Variants in ENGASE observed in about 807,000 individuals in gnomAD.
The protein encoded by ENGASE is cytosolic endo-beta-N-acetylglucosaminidase.
In ENGASE, 69 loss-of-function variants were observed where a neutral mutation model predicts 78.5. The ratio of observed to expected loss-of-function variants is 0.88; its 90% CI spans 0.72 to 1.07. ENGASE has a LOEUF of 1.07. Among genes scored for constraint, ENGASE ranks in the 50% least tolerant of loss-of-function variants. The probability of loss-of-function intolerance (pLI) is 0.00; values close to 1 mark genes in which losing one functional copy is unlikely to be tolerated. For missense variants in ENGASE, 943 were observed against 988.4 expected (o/e 0.95, Z 0.62); for synonymous variants, 408 against 408.9 (o/e 1.00, Z 0.03).
In ENGASE at chr17:79,080,152, G is replaced by C. The variant is rs187160043; in HGVS notation, c.566-55G>C. ...TCGAGAACCTCGCTTTGAAAACTGT[G>C]GGTGGAGGGAAAGTGATTCCCGTGG... On this transcript the variant is annotated intron_variant, in intron 4 of 13. Transcript: ENST00000579016. The C allele has an allele frequency of 2.7e-4, 423 of 1,541,376 alleles. 3 individuals carry two copies. The African/African-American group carries it at 5.0e-3, about 18-fold the overall frequency.
In ENGASE at chr17:79,077,673, T is replaced by C. The variant is rs754077207; in HGVS notation, c.225T>C (p.Tyr75=). Residue 75 remains tyrosine (Y), a synonymous_variant, in exon 3 of 14, where the codon TAT becomes TAC. Coordinates refer to ENST00000579016, the MANE Select transcript of ENGASE (RefSeq NM_001042573.3). Reference sequence around the variant, plus strand: ...CTGTCCTCGGACCAGTTAGATATTATGACAAGGACACCACCAAACCAATCA... The same window carrying C: ...CTGTCCTCGGACCAGTTAGATATTACGACAAGGACACCACCAAACCAATCA... ...FSPDPLPVRY[Y]DKDTTKPISF... The C allele has an allele frequency of 4.3e-6, 7 of 1,614,224 alleles. No individual in the cohort carries two copies. The African/African-American group carries it at 5.3e-5, about 12-fold the overall frequency.
At chr17:79,082,827 C>T in intron 7 of ENGASE, 193 bp from the exon 8 acceptor site, 2 of 1,525,530 alleles carry the variant, frequency 1.3e-6, no homozygotes, top group Non-Finnish European at 1.8e-6. Flanking sequence ...CTCCCGCGCC[C>T]TCTTCTGGCG....
rs1291318869 is a variant in ENGASE at position 79,083,765 on chromosome 17, A to T, written c.1256A>T (p.Glu419Val). The change falls in exon 10 of 14, where the codon GAG becomes GTG. Residue 419 changes from glutamate (E) to valine (V), a missense_variant. Physicochemically the swap from Glu to Val is moderately radical, Grantham distance 121. Coordinates refer to ENST00000579016, the MANE Select transcript of ENGASE (RefSeq NM_001042573.3). The surrounding 1 kb of genome is among the most constrained non-coding windows in gnomAD (Gnocchi z 4.9). ...CTGTTCTGCCCTTTTCTTCAGGAAG[A>T]GGCGGTAGGGCCCTGGTACCACCTG... ...GARRVCYGQE[E>V]AVGPWYHLSA... 2 of 1,607,516 alleles carry T rather than the reference A, an allele frequency of 1.2e-6. No individual in the cohort carries two copies. The highest frequency in any genetic ancestry group is 3.4e-5 in the Admixed American group (2 of 58,778).
Position 79,087,399 on chromosome 17 carries a change from C to A in ENGASE, c.*1050C>A. On this transcript the variant is annotated 3_prime_UTR_variant, in exon 14 of 14. Coordinates refer to ENST00000579016, the MANE Select transcript of ENGASE (RefSeq NM_001042573.3). ...GGGCGTGAGGGAGGCAGGGTCTTCA[C>A]CACAGGCGCCTTCCTCTGTCCTTCC... 4.3e-6 allele frequency: 1 copy of A among 231,826 alleles called. No homozygotes were observed. Among genetic ancestry groups the A allele is most frequent in the Non-Finnish European group, 8.9e-6 (1 of 112,490 alleles). 14.4% of individuals were successfully genotyped at this position (231,826 alleles called of 1,614,324 possible).
chr17:79,083,192 G>A lies in ENGASE; in HGVS notation c.1142+69G>A. 8.5e-7 allele frequency: 1 copy of A among 1,182,904 alleles called. No homozygotes were observed. Among genetic ancestry groups the A allele is most frequent in the Non-Finnish European group, 1.2e-6 (1 of 806,952 alleles). 73.3% of individuals were successfully genotyped at this position (1,182,904 alleles called of 1,614,324 possible). A position where few individuals can be genotyped will look rare whatever the true frequency, so the allele number is the denominator to read the frequency against. On this transcript the variant is annotated intron_variant, in intron 8 of 13. Coordinates refer to ENST00000579016, the MANE Select transcript of ENGASE (RefSeq NM_001042573.3). The surrounding 1 kb of genome is among the most constrained non-coding windows in gnomAD (Gnocchi z 4.9). ...GGAGGGGTTTCTGGTGTCTCTGATA[G>A]GACACGTTTGTGCTCTTTAGTGACC...
Position 79,079,473 on chromosome 17 carries a change from C to A in ENGASE, c.417-16C>A. On this transcript the variant is annotated splice_polypyrimidine_tract_variant and intron_variant, in intron 3 of 13. Coordinates refer to ENST00000579016, the MANE Select transcript of ENGASE (RefSeq NM_001042573.3). ...ATGAGCTGCCGTGGCCAGCCCTGTT[C>A]TGTTTCTTTCCCCAGGTTCATTCAG... 1.2e-6 allele frequency: 2 copies of A among 1,610,724 alleles called. No homozygotes were observed. Among genetic ancestry groups the A allele is most frequent in the Non-Finnish European group, 1.7e-6 (2 of 1,179,104 alleles).
rs568691377 is a variant in ENGASE at position 79,082,344 on chromosome 17, G to A, written c.1038+281G>A. 2.6e-3 allele frequency: 3,475 copies of A among 1,321,542 alleles called. 4 individuals are homozygous for A. Among genetic ancestry groups the A allele is most frequent in the Non-Finnish European group, 3.0e-3 (3,086 of 1,024,624 alleles). 81.9% of individuals were successfully genotyped at this position (1,321,542 alleles called of 1,614,324 possible). A position where few individuals can be genotyped will look rare whatever the true frequency, so the allele number is the denominator to read the frequency against. On this transcript the variant is annotated intron_variant, in intron 7 of 13. Transcript: ENST00000579016. ...GTTCCCCCGCTGTCCGGTCCTCGGC[G>A]GGCCTGGGCCTCCTGTCCCAGCTGC...
intron 3 of ENGASE, among the ~76,000 whole-genome samples, chr17:79,079,040 C>T (rs963130276): frequency 1.3e-5 from 2 of 152,222 alleles, no homozygotes; most frequent in Admixed American, 1.3e-4. Context: ...CTCTCCCTGC[C>T]TGCACCTTGC....
chr17:79,075,254 G>A (rs536302780), intron 1 of ENGASE, among the ~76,000 whole-genome samples, 164 bp downstream of exon 1: 6 of 152,046 alleles, frequency 3.9e-5, no homozygotes, highest in African/African-American at 1.4e-4. Flanking sequence ...CCTCCGCCCC[G>A]GTCCGCCCCG....
chr17:79,082,030 G>C lies in ENGASE; in HGVS notation c.1005G>C (p.Gly335=). 3.7e-6 allele frequency: 6 copies of C among 1,614,250 alleles called. No homozygotes were observed. The highest frequency in any genetic ancestry group is 5.1e-6 in the Non-Finnish European group (6 of 1,180,034). ...VYVGVDVFAR[G]NVVGGRFDTD... is the part of the protein sequence containing the mutation. Reference sequence around the variant, plus strand: ...TGGGCGTGGATGTGTTTGCTCGAGGGAACGTGGTCGGAGGCCGATTCGACA... The same window carrying C: ...TGGGCGTGGATGTGTTTGCTCGAGGCAACGTGGTCGGAGGCCGATTCGACA... Residue 335 remains glycine, a synonymous_variant, in exon 7 of 14, where the codon GGG becomes GGC. Transcript: ENST00000579016.
intron 4 of ENGASE, 110 bp downstream of exon 4, chr17:79,079,747 C>T: frequency 7.0e-7 from 1 of 1,420,692 alleles, no homozygotes; most frequent in Non-Finnish European, 9.4e-7. Context: ...GCCCAGAGCC[C>T]CTCGCTGGGG....
intron 11 of ENGASE, 144 bp downstream of exon 11, chr17:79,084,830 T>C: frequency 1.1e-6 from 1 of 897,376 alleles, no homozygotes. Context: ...CAGGGCAGCT[T>C]GTGGTCAAGG....
intron 4 of ENGASE, 25 bp downstream of exon 4, chr17:79,079,662 T>C (rs764787852): frequency 6.2e-7 from 1 of 1,605,612 alleles, no homozygotes. Flanking sequence ...CTCACCTCTG[T>C]GTCAGCCAGA....
intron 4 of ENGASE, 69 bp from the exon 5 acceptor site, chr17:79,080,138 G>A (rs1030791826): frequency 1.4e-5 from 21 of 1,520,230 alleles, no homozygotes; most frequent in African/African-American, 2.8e-5. Flanking sequence ...CGAGAACCTC[G>A]CTTTGAAAAC....
At chr17:79,076,542 C>T (rs1207615214) in intron 1 of ENGASE, among the ~76,000 whole-genome samples, 8 of 152,154 alleles carry the variant, frequency 5.3e-5, no homozygotes, top group African/African-American at 1.9e-4. Flanking sequence ...CCAGCCTGGG[C>T]GACAGAGCGA....
intron 1 of ENGASE, among the ~76,000 whole-genome samples, chr17:79,076,683 C>G (rs112046385): frequency 6.6e-6 from 1 of 152,208 alleles, no homozygotes; most frequent in African/African-American, 2.4e-5. Context: ...ATGAACAGCG[C>G]GGAAGGCACT....
chr17:79,085,430 G>C, intron 12 of ENGASE, 88 bp downstream of exon 12: 1 of 1,356,374 alleles, frequency 7.4e-7, no homozygotes, highest in South Asian at 1.4e-5. Context: ...GGGGCCCTGG[G>C]CTGGCCCCCA....
rs1362057234 is a variant in ENGASE at position 79,083,397 on chromosome 17, C to T, written c.1143-85C>T. 1.0e-5 allele frequency: 11 copies of T among 1,057,586 alleles called. No homozygotes were observed. The highest frequency in any genetic ancestry group is 2.5e-5 in the East Asian group (1 of 39,296). The allele number at this position is 1,057,586 out of a possible 1,614,324, so 65.5% of individuals were successfully genotyped here. A position where few individuals can be genotyped will look rare whatever the true frequency, so the allele number is the denominator to read the frequency against. On this transcript the variant is annotated intron_variant, in intron 8 of 13. Transcript: ENST00000579016. The surrounding 1 kb of genome is among the most constrained non-coding windows in gnomAD (Gnocchi z 4.9). Reference sequence around the variant, plus strand: ...TGTCTTGGAGGGTGCAGGAGAGCCTCGAGTTTCCACCAGCAAGTTTGAGGG... The same window carrying T: ...TGTCTTGGAGGGTGCAGGAGAGCCTTGAGTTTCCACCAGCAAGTTTGAGGG...
chr17:79,083,555 C>T lies in ENGASE; in HGVS notation c.1216C>T (p.Leu406=). ...CSLPFVTSFC[L]GMGARRVCYG... ...CTTGCCTTTCGTCACGTCCTTCTGC[C>T]TGGGCATGGGTGCACGGAGGGTCTG... Residue 406 remains leucine (L), a synonymous_variant, in exon 9 of 14, where the codon CTG becomes TTG. Transcript: ENST00000579016. This position sits in a 1 kb window ranked among gnomAD's most constrained non-coding sequence, Gnocchi z 4.9. The T allele has an allele frequency of 2.5e-6, 4 of 1,614,194 alleles. No individual in the cohort carries two copies. The highest frequency in any genetic ancestry group is 3.4e-6 in the Non-Finnish European group (4 of 1,180,022).
Sources: gnomAD v4.1 joint callset for allele counts (sites outside exome capture counted in the v4.1 genomes callset) on GRCh38, gnomAD v4.1.1 for gene constraint, Gnocchi (gnomAD v3.1) non-coding constraint, MANE v1.5 for transcripts, NCBI Gene and HGNC (gene_info 2026-07-23, HGNC 2026-07-21) for gene names.